TRIM2: variants seen among roughly 807,000 people sequenced by gnomAD.
TRIM2 encodes tripartite motif containing 2, also known as tripartite motif-containing protein 2.
In TRIM2, 20 loss-of-function variants were observed where a neutral mutation model predicts 75.2. The ratio of observed to expected loss-of-function variants is 0.27; its 90% CI spans 0.19 to 0.39. The LOEUF (loss-of-function observed/expected upper bound fraction) is 0.39. TRIM2 is among the 10% of genes least tolerant of loss of function. The pLI is 1.00. For missense variants in TRIM2, 660 were observed against 990.8 expected (o/e 0.67, Z 4.48); for synonymous variants, 373 against 388.3 (o/e 0.96, Z 0.46).
At chr4:153,261,694 A>C (rs1356949656) in intron 1 of TRIM2, among the ~76,000 whole-genome samples, 1 of 152,200 alleles carries the variant, frequency 6.6e-6, no homozygotes, top group African/African-American at 2.4e-5. Context: ...CAGAAGAGCG[A>C]TTTAACTTTG....
chr4:153,295,457 C>CTT lies in TRIM2; in HGVS notation c.932_933insTT (p.Ala312TrpfsTer25). 1.2e-6 allele frequency: 2 copies of CTT among 1,614,236 alleles called. No individual in the cohort carries two copies. The highest frequency in any genetic ancestry group is 3.3e-5 in the Admixed American group (2 of 60,034). ...GCAGATGAGCGAGAAGCTGAACGAG[C>CTT]TGGCCGACCAGGACTTCCCCTTGCA... On this transcript the variant is annotated frameshift_variant, in exon 6 of 12. Transcript: ENST00000338700. LOFTEE classifies it high-confidence loss of function. This position sits in a 1 kb window ranked among gnomAD's most constrained non-coding sequence, Gnocchi z 7.2.
At chr4:153,180,756 G>T (rs1030702076) in intron 1 of TRIM2, among the ~76,000 whole-genome samples, 3 of 152,220 alleles carry the variant, frequency 2.0e-5, no homozygotes, top group African/African-American at 7.2e-5. Flanking sequence ...GGGATTACAG[G>T]CCTGAGCCAC....
intron 1 of TRIM2, among the ~76,000 whole-genome samples, chr4:153,195,316 C>A (rs1030183399): frequency 6.6e-6 from 1 of 152,022 alleles, no homozygotes; most frequent in African/African-American, 2.4e-5. Context: ...CCCAGGAGAG[C>A]AGCCTGGGAA....
chr4:153,155,125 G>A (rs945059120), intron 1 of TRIM2, among the ~76,000 whole-genome samples: 3 of 152,070 alleles, frequency 2.0e-5, no homozygotes. Context: ...GGGCAACAGG[G>A]TGAGACTCCG....
intron 8 of TRIM2, among the ~76,000 whole-genome samples, chr4:153,322,437 G>T (rs1310830780): frequency 2.6e-5 from 4 of 151,864 alleles, no homozygotes; most frequent in African/African-American, 9.7e-5. Context: ...ATAAATAAAA[G>T]AATAAGGATT....
rs1757187818 is a variant in TRIM2, at chr4:153,273,270, C to CATTTTTTTTTTTTTTTTT, written c.216-2623_216-2622insATTTTTTTTTTTTTTTTT. 1.8e-3 allele frequency among the ~76,000 whole-genome samples: 104 copies of CATTTTTTTTTTTTTTTTT among 57,386 alleles called. 5 individuals carry two copies. Among genetic ancestry groups the CATTTTTTTTTTTTTTTTT allele is most frequent in the African/African-American group, 7.1e-3 (101 of 14,306 alleles). 37.6% of individuals were successfully genotyped at this position (57,386 alleles called of 152,430 possible). A position where few individuals can be genotyped will look rare whatever the true frequency, so the allele number is the denominator to read the frequency against. ...ACTCAGTGAGCACCTTACAGTCACT[C>CATTTTTTTTTTTTTTTTT]TTTTTTTTTTTTTTTTTTTTTTTGA... On this transcript the variant is annotated intron_variant, in intron 2 of 11. Transcript: ENST00000338700.
chr4:153,313,721 C>A (rs541396100), intron 6 of TRIM2, among the ~76,000 whole-genome samples: 1 of 150,158 alleles, frequency 6.7e-6, no homozygotes, highest in African/African-American at 2.5e-5. Context: ...CAACCTCCAC[C>A]TCCCATGTTT....
rs1431918856 is a variant in TRIM2 at position 153,244,390 on chromosome 4, C to A, written c.31-25945C>A. On this transcript the variant is annotated intron_variant, in intron 1 of 11. Coordinates refer to ENST00000338700, the MANE Select transcript of TRIM2 (RefSeq NM_015271.5). ...TCTTCTTCTTCTTCTTCTTCTTCTT[C>A]TTCTTCTTCTTCTTCTTCTTCTTCT... 3.9e-5 allele frequency among the ~76,000 whole-genome samples: 3 copies of A among 77,416 alleles called. 1 individual carries two copies. The highest frequency in any genetic ancestry group is 2.6e-4 in the African/African-American group (3 of 11,634). The allele number at this position is 77,416 out of a possible 152,430, so 50.8% of individuals were successfully genotyped here.
chr4:153,265,168 A>G (rs1421107539), intron 1 of TRIM2, among the ~76,000 whole-genome samples: 2 of 152,136 alleles, frequency 1.3e-5, no homozygotes, highest in Non-Finnish European at 2.9e-5. Context: ...GGTTAAAAAA[A>G]AAAAGGAATA....
chr4:153,184,270 G>A (rs1732368956), intron 1 of TRIM2, among the ~76,000 whole-genome samples: 1 of 152,128 alleles, frequency 6.6e-6, no homozygotes, highest in Non-Finnish European at 1.5e-5. Context: ...GGTTCCTGAT[G>A]AGGGCTCATT....
intron 1 of TRIM2, among the ~76,000 whole-genome samples, chr4:153,172,755 T>C (rs1731013217): frequency 6.6e-6 from 1 of 152,054 alleles, no homozygotes; most frequent in Non-Finnish European, 1.5e-5. Flanking sequence ...GTGGTGGCTT[T>C]AGAGGGGGTA....
In TRIM2 at chr4:153,260,728, CATCATCATCATCATCATG is replaced by C. The variant is rs1291549146; in HGVS notation, c.31-9589_31-9572del. On this transcript the variant is annotated intron_variant, in intron 1 of 11. Transcript: ENST00000338700. ...CACACACACACACACACACACACAT[CATCATCATCATCATCATG>C]ATCATCATCATCATCATCAGGAAAG... Among the ~76,000 whole-genome samples the C allele has an allele frequency of 7.1e-3, 437 of 61,560 alleles. 5 individuals carry two copies. The highest frequency in any genetic ancestry group is 0.057 in the African/African-American group (419 of 7,388). 40.4% of individuals were successfully genotyped at this position (61,560 alleles called of 152,430 possible). A position where few individuals can be genotyped will look rare whatever the true frequency, so the allele number is the denominator to read the frequency against.
At chr4:153,192,329 G>A (rs893266302) in intron 1 of TRIM2, among the ~76,000 whole-genome samples, 4 of 152,166 alleles carry the variant, frequency 2.6e-5, no homozygotes, top group Non-Finnish European at 5.9e-5. Flanking sequence ...AATCTAGGCT[G>A]GGAGTGGTGG....
intron 1 of TRIM2, among the ~76,000 whole-genome samples, chr4:153,169,941 G>A (rs1451134391): frequency 6.6e-6 from 1 of 152,188 alleles, no homozygotes; most frequent in African/African-American, 2.4e-5. Context: ...ACACAATCAG[G>A]CACATTCTAA....
At chr4:153,296,723 C>T (rs1560971014) in intron 6 of TRIM2, among the ~76,000 whole-genome samples, 1 of 152,204 alleles carries the variant, frequency 6.6e-6, no homozygotes, top group Admixed American at 6.5e-5. Flanking sequence ...TATGGTCTCT[C>T]TCTTTTTAAA....
At chr4:153,252,268 T>C (rs72965068) in intron 1 of TRIM2, among the ~76,000 whole-genome samples, 4,342 of 152,244 alleles carry the variant, frequency 0.029, 121 homozygotes, top group African/African-American at 0.078. Context: ...CTTAGCTGGC[T>C]TTGTTCTACT....
rs556862104 is a variant in TRIM2, at chr4:153,163,049, C to A, written c.-49+9779C>A. On this transcript the variant is annotated intron_variant, in intron 1 of 11. Coordinates refer to the TRIM2 transcript ENST00000437508. ...CTAAGAATTTGTGGGAAAAAAATAA[C>A]CTTTACCTGAGTGTATGTAGCCACA... Among the ~76,000 whole-genome samples the A allele has an allele frequency of 7.1e-4, 108 of 152,272 alleles. 2 individuals are homozygous for A. In the South Asian group the frequency reaches 0.021, roughly 30 times the overall value.
At chr4:153,334,124 G>A (rs2149604739) in intron 11 of TRIM2, among the ~76,000 whole-genome samples, 2 of 152,106 alleles carry the variant, frequency 1.3e-5, no homozygotes, top group Middle Eastern at 3.4e-3. Flanking sequence ...AATAAGTGAA[G>A]ATTTAACATG....
rs543828933 is a variant in TRIM2 at position 153,336,400 on chromosome 4, C to G, written c.*1434C>G. ...CACACACATAAAAAACCCAACAGGT[C>G]AAAATAAAAGTTGAACTTGAGTTAC... is the stretch of plus-strand genomic sequence containing the variant. On this transcript the variant is annotated 3_prime_UTR_variant, in exon 12 of 12. Transcript: ENST00000338700. 2.0e-6 allele frequency: 2 copies of G among 982,514 alleles called. No homozygotes were observed. Among genetic ancestry groups the G allele is most frequent in the Admixed American group, 1.2e-4 (2 of 16,040 alleles). The allele number at this position is 982,514 out of a possible 1,614,324, so 60.9% of individuals were successfully genotyped here. A position where few individuals can be genotyped will look rare whatever the true frequency, so the allele number is the denominator to read the frequency against.
Sources: gnomAD v4.1 joint callset for allele counts (sites outside exome capture counted in the v4.1 genomes callset) on GRCh38, gnomAD v4.1.1 for gene constraint, Gnocchi (gnomAD v3.1) non-coding constraint, MANE v1.5 for transcripts, NCBI Gene and HGNC (gene_info 2026-07-23, HGNC 2026-07-21) for gene names.